Variants in TRPM8 observed in about 807,000 individuals in gnomAD.
TRPM8 encodes TRPM8 cationic channel.
In TRPM8, 110 loss-of-function variants were observed where a neutral mutation model predicts 133.7. The observed-to-expected ratio is 0.82, with a 90% CI of 0.70 to 0.96. The LOEUF (loss-of-function observed/expected upper bound fraction) is 0.96, where lower values mean the gene tolerates loss of function less well. Ranked by LOEUF, TRPM8 falls within the 40% of genes least tolerant of loss-of-function variation. The pLI, the probability that TRPM8 is intolerant of heterozygous loss-of-function variation, is 0.00. For missense variants in TRPM8, 1,291 were observed against 1,379.5 expected, an observed-to-expected ratio of 0.94 and a Z score of 1.02; for synonymous variants, 535 against 532.3, an observed-to-expected ratio of 1.01 and a Z score of -0.07.
chr2:233,961,913 A>C (rs1428205499), intron 12 of TRPM8, among the ~76,000 whole-genome samples: 1 of 151,532 alleles, frequency 6.6e-6, no homozygotes. Flanking sequence ...ACAGGCGTGA[A>C]CCACCGTGTC....
chr2:233,937,170 A>G (rs1690771316), intron 3 of TRPM8, 183 bp from the exon 4 acceptor site: 1 of 661,808 alleles, frequency 1.5e-6, no homozygotes. Context: ...TGCTGAGATT[A>G]CAGGCGTGAG....
In TRPM8 at chr2:234,009,608, G is replaced by A. The variant is rs568840246; in HGVS notation, c.3264+1505G>A. Among the ~76,000 whole-genome samples, 141 of 152,154 alleles carry A rather than the reference G, an allele frequency of 9.3e-4. 1 individual carries two copies. The highest frequency in any genetic ancestry group is 3.2e-3 in the African/African-American group (134 of 41,522). ...TCCCCACTGCACAGCGCAGAGCCTC[G>A]GCCATCACTCAGGAGGTCCCACCGC... On this transcript the variant is annotated intron_variant, in intron 24 of 25. Coordinates refer to ENST00000324695, the MANE Select transcript of TRPM8 (RefSeq NM_024080.5).
intron 3 of TRPM8, among the ~76,000 whole-genome samples, chr2:233,931,763 G>C (rs757359342): frequency 6.6e-6 from 1 of 152,162 alleles, no homozygotes. Context: ...CCTTGTCACT[G>C]GTAAAAACAT....
In TRPM8 at chr2:234,018,741, A is replaced by C. The variant is rs1329373716; in HGVS notation, c.*1485A>C. ...ACTCCTGTAATCCCAGCTACTCAGA[A>C]GGCTGAGGTACAAGAATTGCTGGAA... is the stretch of plus-strand genomic sequence containing the variant. On this transcript the variant is annotated 3_prime_UTR_variant, in exon 26 of 26. Coordinates refer to ENST00000324695, the MANE Select transcript of TRPM8 (RefSeq NM_024080.5). 3 of 151,962 alleles carry C rather than the reference A, an allele frequency of 2.0e-5. No individual in the cohort carries two copies. Among genetic ancestry groups the C allele is most frequent in the African/African-American group, 7.3e-5 (3 of 41,364 alleles). The allele number at this position is 151,962 out of a possible 1,614,324, so 9.4% of individuals were successfully genotyped here.
intron 15 of TRPM8, among the ~76,000 whole-genome samples, chr2:233,968,747 G>C (rs1324588116): frequency 1.3e-5 from 2 of 151,846 alleles, no homozygotes; most frequent in Admixed American, 6.6e-5. Flanking sequence ...GAGAGATGTG[G>C]GTCCTTTGAT....
At chr2:233,926,966 G>A (rs1691530551) in intron 2 of TRPM8, among the ~76,000 whole-genome samples, 1 of 152,096 alleles carries the variant, frequency 6.6e-6, no homozygotes, top group Non-Finnish European at 1.5e-5. Flanking sequence ...ACACAGACGT[G>A]CCCAATCATG....
intron 2 of TRPM8, among the ~76,000 whole-genome samples, chr2:233,927,904 T>TCTCTCTCTCTC (rs1691590032): frequency 3.3e-5 from 2 of 60,168 alleles, no homozygotes; most frequent in Non-Finnish European, 5.3e-5. Context: ...CTTTCTTTCT[T>TCTCTCTCTCTC]TCTTTCTCTC....
chr2:233,966,652 A>T lies in TRPM8; in HGVS notation c.1922A>T (p.Glu641Val). ...ECYSSDEDLA[E>V]QLLVYSCEAW... ...TACAGCAGCGATGAAGACTTGGCAG[A>T]ACAGCTGCTGGTCTATTCCTGTGAA... is the stretch of plus-strand genomic sequence containing the variant. Residue 641 changes from glutamate to valine, a missense_variant, in exon 15 of 26, where the codon GAA (glutamate) becomes GTA (valine). Physicochemically the swap from Glu to Val is moderately radical, Grantham distance 121. This residue lies in a region of TRPM8 where 963 missense variants were observed against 968.9 expected (regional missense o/e 0.99). Transcript: ENST00000324695. 1 of 1,614,122 alleles carries T rather than the reference A, an allele frequency of 6.2e-7. No individual in the cohort carries two copies. Among genetic ancestry groups the T allele is most frequent in the Non-Finnish European group, 8.5e-7 (1 of 1,180,018 alleles).
At chr2:233,945,646 T>G (rs181305049) in intron 6 of TRPM8, among the ~76,000 whole-genome samples, 8 of 152,208 alleles carry the variant, frequency 5.3e-5, no homozygotes, top group Non-Finnish European at 1.0e-4. Flanking sequence ...AATGAGCACA[T>G]GGCACAACCA....
At chr2:233,926,028 C>T (rs1691507082) in intron 1 of TRPM8, among the ~76,000 whole-genome samples, 1 of 152,164 alleles carries the variant, frequency 6.6e-6, no homozygotes, top group Non-Finnish European at 1.5e-5. Flanking sequence ...CAGACTGACC[C>T]CCAAGCCCTA....
rs564940226 is a variant in TRPM8 at position 233,968,296 on chromosome 2, G to A, written c.2026-1399G>A. 2.0e-5 allele frequency: 3 copies of A among 152,302 alleles called. No individual in the cohort carries two copies. In the East Asian group the frequency reaches 5.8e-4, roughly 29 times the overall value. The allele number at this position is 152,302 out of a possible 1,614,324, so 9.4% of individuals were successfully genotyped here. A position where few individuals can be genotyped will look rare whatever the true frequency, so the allele number is the denominator to read the frequency against. ...AGGAGTTTATTCTGGAGGTGAACCTGGGAAGCACAGGAGGCACCAGTGAGA... is the reference window on the plus strand; with the variant it reads ...AGGAGTTTATTCTGGAGGTGAACCTAGGAAGCACAGGAGGCACCAGTGAGA... On this transcript the variant is annotated intron_variant, in intron 15 of 25. Coordinates refer to ENST00000324695, the MANE Select transcript of TRPM8 (RefSeq NM_024080.5).
chr2:234,013,544 T>C (rs1226213929), intron 24 of TRPM8: 1 of 152,210 alleles, frequency 6.6e-6, no homozygotes, highest in African/African-American at 2.4e-5. Context: ...GGTTTGTTGA[T>C]TTTGTTTATC....
chr2:233,930,781 CA>C (rs1254826498), intron 3 of TRPM8, 40 bp downstream of exon 3: 42 of 1,450,332 alleles, frequency 2.9e-5, no homozygotes, highest in Middle Eastern at 1.7e-4. Context: ...TTTCCAAGTT[CA>C]AAAAAATTAT....
At position 233,966,524 on chromosome 2, in the gene TRPM8, CAG is replaced by C; in HGVS notation, c.1880-85_1880-84del. The C allele has an allele frequency of 9.7e-6, 15 of 1,549,986 alleles. No homozygotes were observed. In the South Asian group the frequency reaches 1.5e-4, roughly 15 times the overall value. On this transcript the variant is annotated intron_variant, in intron 14 of 25. Coordinates refer to ENST00000324695, the MANE Select transcript of TRPM8 (RefSeq NM_024080.5). ...CTCACGCACAGGCTATTTTTGGATT[CAG>C]GGGTTGGCTGGGGGTGGAAGCAGGA...
Position 233,950,201 on chromosome 2 carries a change from AG to A in TRPM8, c.1140+58del. On this transcript the variant is annotated intron_variant, in intron 9 of 25. Coordinates refer to ENST00000324695, the MANE Select transcript of TRPM8 (RefSeq NM_024080.5). ...GAGAAAATAAGACAAGTTGGTGAGA[AG>A]GGAGAATGCCTTAAACGCCCAACTC... 4 of 1,549,920 alleles carry A rather than the reference AG, an allele frequency of 2.6e-6. 1 individual carries two copies. The South Asian group carries it at 4.7e-5, about 18-fold the overall frequency.
intron 8 of TRPM8, chr2:233,947,555 C>G (rs576265167): frequency 2.3e-6 from 3 of 1,294,060 alleles, no homozygotes; most frequent in Middle Eastern, 4.2e-4. Context: ...CCACCTAAGG[C>G]CCATTTATAT....
chr2:233,948,078 T>C (rs967642576), intron 8 of TRPM8, among the ~76,000 whole-genome samples: 7 of 152,246 alleles, frequency 4.6e-5, no homozygotes, highest in Non-Finnish European at 5.9e-5. Flanking sequence ...TGCATATTCC[T>C]CCTTTTACCC....
chr2:234,017,144 C>T (rs1237294804), intron 25 of TRPM8, among the ~76,000 whole-genome samples, 155 bp from the exon 26 acceptor site: 2 of 149,790 alleles, frequency 1.3e-5, no homozygotes, highest in Admixed American at 6.6e-5. Context: ...ATTCTCAGAG[C>T]TGCTTCTATA....
intron 21 of TRPM8, among the ~76,000 whole-genome samples, chr2:233,987,402 A>G (rs1175961737): frequency 6.6e-6 from 1 of 152,232 alleles, no homozygotes; most frequent in Non-Finnish European, 1.5e-5. Context: ...TTTAGAAAAG[A>G]ATATAAGGAA....
Sources: allele counts gnomAD v4.1 joint callset (sites outside exome capture counted in the v4.1 genomes callset), GRCh38; gene constraint gnomAD v4.1.1; regional missense constraint gnomAD v4.1.1; transcripts MANE v1.5; gene names NCBI Gene and HGNC (gene_info 2026-07-23, HGNC 2026-07-21).